Variants in LRRC4C observed in about 807,000 individuals in gnomAD.
LRRC4C encodes the protein leucine-rich repeat-containing protein 4C.
A neutral mutation model predicts 33.6 loss-of-function variants in LRRC4C; 5 were observed. That is an observed-to-expected ratio of 0.15 (90% CI 0.08 to 0.31). The LOEUF (loss-of-function observed/expected upper bound fraction) is 0.31, where lower values mean the gene tolerates loss of function less well. LRRC4C is among the 10% of genes least tolerant of loss of function. The pLI, the probability that LRRC4C is intolerant of heterozygous loss-of-function variation, is 1.00. For synonymous variants in LRRC4C, 329 were observed against 302.0 expected, an observed-to-expected ratio of 1.09 and a Z score of -0.93; for missense variants, 560 against 796.7, an observed-to-expected ratio of 0.70 and a Z score of 3.58.
chr11:40,972,824 G>T (rs1454691790), intron 1 of LRRC4C, among the ~76,000 whole-genome samples: 1 of 151,888 alleles, frequency 6.6e-6, no homozygotes, highest in Non-Finnish European at 1.5e-5. Context: ...ATGAGGTTTG[G>T]GTGGGGACAC....
chr11:40,201,858 A>G (rs759919294), intron 5 of LRRC4C, among the ~76,000 whole-genome samples: 50 of 152,168 alleles, frequency 3.3e-4, no homozygotes, highest in Admixed American at 6.5e-5. Context: ...AGAAGTTTCC[A>G]GGCAACAAAT....
intron 1 of LRRC4C, among the ~76,000 whole-genome samples, chr11:41,366,947 T>A (rs1260206347): frequency 6.6e-6 from 1 of 152,218 alleles, no homozygotes; most frequent in Admixed American, 6.5e-5. Flanking sequence ...ATGCCCATTT[T>A]AGGGATGATG....
chr11:40,945,597 A>G (rs1373158297), intron 1 of LRRC4C, among the ~76,000 whole-genome samples: 1 of 152,178 alleles, frequency 6.6e-6, no homozygotes, highest in Non-Finnish European at 1.5e-5. Context: ...AGGTGAATGC[A>G]AATTCGCTGA....
At chr11:41,440,474 A>G (rs1031158110) in intron 1 of LRRC4C, among the ~76,000 whole-genome samples, 1 of 152,300 alleles carries the variant, frequency 6.6e-6, no homozygotes, top group Non-Finnish European at 1.5e-5. Flanking sequence ...CATCAAGAGA[A>G]CTATGTAAGC....
At chr11:41,033,413 A>G (rs1856838722) in intron 1 of LRRC4C, among the ~76,000 whole-genome samples, 1 of 152,058 alleles carries the variant, frequency 6.6e-6, no homozygotes, top group Non-Finnish European at 1.5e-5. Context: ...AAGCTTATGG[A>G]TGAGTAAGGT....
intron 1 of LRRC4C, among the ~76,000 whole-genome samples, chr11:41,368,375 T>C (rs951527410): frequency 5.3e-5 from 8 of 152,218 alleles, no homozygotes; most frequent in African/African-American, 7.2e-5. Context: ...CCACAAGACT[T>C]GAATAGAACA....
Position 41,211,910 on chromosome 11 carries a change from T to C in LRRC4C, c.-496+247521A>G, listed in dbSNP as rs572913097. Among the ~76,000 whole-genome samples, 5 of 152,316 alleles carry C rather than the reference T, an allele frequency of 3.3e-5. No homozygotes were observed. The East Asian group carries it at 9.6e-4, about 29-fold the overall frequency. ...AGATCCCTGAGGAACCGCCACACTA[T>C]CTTCCACAATGGTTGAACTAGTTTA... On this transcript the variant is annotated intron_variant, in intron 1 of 6. Coordinates refer to ENST00000528697, the MANE Select transcript of LRRC4C (RefSeq NM_001258419.2).
At chr11:40,930,432 C>G (rs920638016) in intron 2 of LRRC4C, among the ~76,000 whole-genome samples, 4 of 152,148 alleles carry the variant, frequency 2.6e-5, no homozygotes, top group Admixed American at 2.0e-4. Flanking sequence ...GCTAACTGAA[C>G]AGCTAAATAG....
chr11:40,203,823 T>C (rs540281652), intron 5 of LRRC4C, among the ~76,000 whole-genome samples: 16 of 152,232 alleles, frequency 1.1e-4, no homozygotes, highest in Non-Finnish European at 2.2e-4. Context: ...GATAAATATC[T>C]AAATGAATGG....
chr11:40,933,032 A>G (rs1957699299), intron 2 of LRRC4C, among the ~76,000 whole-genome samples: 1 of 152,192 alleles, frequency 6.6e-6, no homozygotes, highest in Non-Finnish European at 1.5e-5. Context: ...GATTTCATAG[A>G]GAGCTAGAGG....
At chr11:40,338,704 G>C (rs533369731) in intron 3 of LRRC4C, among the ~76,000 whole-genome samples, 1 of 152,198 alleles carries the variant, frequency 6.6e-6, no homozygotes, top group African/African-American at 2.4e-5. Context: ...GAAAATGACA[G>C]CAGGGAATTT....
At chr11:41,388,548 AG>A (rs1251666760) in intron 1 of LRRC4C, among the ~76,000 whole-genome samples, 1 of 151,914 alleles carries the variant, frequency 6.6e-6, no homozygotes, top group Non-Finnish European at 1.5e-5. Flanking sequence ...CATTTTGCTA[AG>A]GAAGATTTAT....
intron 1 of LRRC4C, among the ~76,000 whole-genome samples, chr11:41,220,468 A>G (rs1947254640): frequency 7.2e-6 from 1 of 138,316 alleles, no homozygotes; most frequent in African/African-American, 2.7e-5. Flanking sequence ...AAAATAGTGG[A>G]TAATCTCTAG....
intron 1 of LRRC4C, among the ~76,000 whole-genome samples, chr11:41,192,771 T>C (rs1946015917): frequency 6.6e-6 from 1 of 152,146 alleles, no homozygotes; most frequent in Non-Finnish European, 1.5e-5. Flanking sequence ...AGGTTAAGAA[T>C]CTAAAGCTGG....
intron 4 of LRRC4C, among the ~76,000 whole-genome samples, chr11:40,309,051 G>C (rs1162940454): frequency 6.6e-6 from 1 of 152,134 alleles, no homozygotes; most frequent in Non-Finnish European, 1.5e-5. Flanking sequence ...CACCCTTAAT[G>C]GTTTGTTCAC....
rs533155126 is a variant in LRRC4C, at chr11:41,200,955, T to G, written c.-496+258476A>C. Among the ~76,000 whole-genome samples the G allele has an allele frequency of 3.3e-5, 5 of 152,316 alleles. No individual in the cohort carries two copies. In the South Asian group the frequency reaches 8.3e-4, roughly 25 times the overall value. On this transcript the variant is annotated intron_variant, in intron 1 of 6. Coordinates refer to ENST00000528697, the MANE Select transcript of LRRC4C (RefSeq NM_001258419.2). ...GATGAAGAAAACCTAGTGGGAAATC[T>G]GGAATTTTCACATATGAAACTTGTA...
chr11:41,021,106 T>C (rs976156455), intron 1 of LRRC4C, among the ~76,000 whole-genome samples: 6 of 151,152 alleles, frequency 4.0e-5, no homozygotes, highest in Non-Finnish European at 7.4e-5. Flanking sequence ...CACAGTAAAA[T>C]GTAAGCTCTG....
intron 6 of LRRC4C, among the ~76,000 whole-genome samples, chr11:40,134,164 G>T (rs1453706093): frequency 6.6e-6 from 1 of 152,104 alleles, no homozygotes. Flanking sequence ...GGCTGAAGCA[G>T]AAGGTTCACT....
chr11:41,230,298 A>AT (rs1413027515), intron 1 of LRRC4C, among the ~76,000 whole-genome samples: 2 of 152,018 alleles, frequency 1.3e-5, no homozygotes, highest in Non-Finnish European at 2.9e-5. Flanking sequence ...AGAACTCATG[A>AT]TTTTTCCAAA....
Sources: allele counts gnomAD v4.1 joint callset (sites outside exome capture counted in the v4.1 genomes callset), GRCh38; gene constraint gnomAD v4.1.1; transcripts MANE v1.5; gene names NCBI Gene and HGNC (gene_info 2026-07-23, HGNC 2026-07-21).